ZNF43: variants seen among roughly 807,000 people sequenced by gnomAD.
ZNF43 encodes the protein zinc finger protein 39-like 1 (KOX 27).
ZNF43 carries 44 observed loss-of-function variants against 68.4 expected under a neutral mutation model. That is an observed-to-expected ratio of 0.64 (90% CI 0.51 to 0.83). ZNF43 has a LOEUF of 0.83. Among genes scored for constraint, ZNF43 ranks in the 40% least tolerant of loss-of-function variants. The probability of loss-of-function intolerance (pLI) is 0.00; values close to 1 mark genes in which losing one functional copy is unlikely to be tolerated. For missense variants in ZNF43, 896 were observed against 933.2 expected, an observed-to-expected ratio of 0.96 and a Z score of 0.52; for synonymous variants, 308 against 307.8, an observed-to-expected ratio of 1.00 and a Z score of -0.01.
chr19:21,844,896 CAAAAAAA>C (rs869257892), intron 1 of ZNF43, among the ~76,000 whole-genome samples: 42 of 35,780 alleles, frequency 1.2e-3, no homozygotes, highest in Admixed American at 1.1e-3. Context: ...GATTCCGTCT[CAAAAAAA>C]AAAAAAAAAA....
At chr19:21,836,684 G>C (rs933522923), upstream of ZNF43, among the ~76,000 whole-genome samples, 2 of 152,174 alleles carry the variant, frequency 1.3e-5, no homozygotes, top group African/African-American at 4.8e-5. Context: ...ATCTAGGCTT[G>C]AGCAATTTAC....
At chr19:21,849,929 G>C (rs761033761) in intron 1 of ZNF43, 5 of 152,242 alleles carry the variant, frequency 3.3e-5, no homozygotes, top group Non-Finnish European at 7.3e-5. Flanking sequence ...AATAGGGAGA[G>C]AGGAGTCGCA....
At chr19:21,828,737 A>G (rs544939757) in intron 1 of ZNF43, among the ~76,000 whole-genome samples, 7 of 138,144 alleles carry the variant, frequency 5.1e-5, no homozygotes, top group East Asian at 4.2e-4. Flanking sequence ...AAATTTAAGG[A>G]AAAAAAAAAA....
Position 21,816,363 on chromosome 19 carries a change from G to A in ZNF43, c.229+1525C>T, listed in dbSNP as rs190020670. Among the ~76,000 whole-genome samples the A allele has an allele frequency of 1.4e-4, 21 of 152,306 alleles. No individual in the cohort carries two copies. The East Asian group carries it at 3.9e-3, about 28-fold the overall frequency. ...ATAAGTTCCTTTAAAAGAGCTTTGA[G>A]ATCCAGGCAGGCAGTTGTAAAACTC... On this transcript the variant is annotated intron_variant, in intron 3 of 3. Transcript: ENST00000354959.
chr19:21,850,522 T>A (rs1968276253), intron 1 of ZNF43, among the ~76,000 whole-genome samples: 1 of 149,564 alleles, frequency 6.7e-6, no homozygotes, highest in Admixed American at 6.7e-5. Context: ...ATCGCACCAC[T>A]GCACTCCAGC....
Position 21,807,662 on chromosome 19 carries a change from G to A in ZNF43, c.2375C>T (p.Pro792Leu). ...TGTCAAAATCACTGTCACATCTTCAGGTTTGTAGAGTTTCTCTCCAGTATG... is the reference window on the plus strand; with the variant it reads ...TGTCAAAATCACTGTCACATCTTCAAGTTTGTAGAGTTTCTCTCCAGTATG... ...KIHTGEKLYK[P>L]EDVTVILTTP... Residue 792 changes from proline (P) to leucine (L), a missense_variant, in exon 4 of 4, where the codon CCT becomes CTT. Physicochemically the swap from Pro to Leu is moderately conservative, Grantham distance 98. Coordinates refer to ENST00000354959, the MANE Select transcript of ZNF43 (RefSeq NM_003423.4). 6.3e-7 allele frequency: 1 copy of A among 1,594,198 alleles called. No individual in the cohort carries two copies. Among genetic ancestry groups the A allele is most frequent in the Non-Finnish European group, 8.5e-7 (1 of 1,170,352 alleles).
intron 1 of ZNF43, among the ~76,000 whole-genome samples, chr19:21,820,692 T>C (rs2037781456): frequency 6.6e-6 from 1 of 152,208 alleles, no homozygotes; most frequent in East Asian, 1.9e-4. Flanking sequence ...AATTTTAAGA[T>C]GTGCTGATGC....
chr19:21,810,810 G>A (rs1412984678), intron 3 of ZNF43, among the ~76,000 whole-genome samples: 1 of 151,980 alleles, frequency 6.6e-6, no homozygotes, highest in Non-Finnish European at 1.5e-5. Flanking sequence ...ATTAGCCAGG[G>A]ATGGTAGTGC....
chr19:21,838,762 G>C (rs1167075285), upstream of ZNF43: 4 of 152,044 alleles, frequency 2.6e-5, no homozygotes, highest in Non-Finnish European at 5.9e-5. Flanking sequence ...TTTTATAGTG[G>C]ATCTTAATGT....
Position 21,808,047 on chromosome 19 carries a change from T to G in ZNF43, c.1990A>C (p.Thr664Pro), listed in dbSNP as rs1166313991. The G allele has an allele frequency of 6.2e-7, 1 of 1,612,522 alleles. No homozygotes were observed. The highest frequency in any genetic ancestry group is 8.5e-7 in the Non-Finnish European group (1 of 1,179,832). Reference sequence around the variant, plus strand: ...TGAATTATCTTATGTTTAGTAAGGGTTGAGGACCACTTAAAGGCTTTGCCA... The same window carrying G: ...TGAATTATCTTATGTTTAGTAAGGGGTGAGGACCACTTAAAGGCTTTGCCA... Reference protein sequence around the residue: ...ECGKAFKWSSTLTKHKIIHTG... With the variant: ...ECGKAFKWSSPLTKHKIIHTG... Residue 664 changes from threonine to proline, a missense_variant, in exon 4 of 4, where the codon ACC (threonine) becomes CCC (proline). Physicochemically the swap from Thr to Pro is conservative, Grantham distance 38. Coordinates refer to ENST00000354959, the MANE Select transcript of ZNF43 (RefSeq NM_003423.4).
chr19:21,808,450 C>T lies in ZNF43; in HGVS notation c.1587G>A (p.Lys529=), dbSNP rs1431017618. The T allele has an allele frequency of 5.0e-6, 8 of 1,612,526 alleles. No individual in the cohort carries two copies. Among genetic ancestry groups the T allele is most frequent in the Non-Finnish European group, 5.9e-6 (7 of 1,179,760 alleles). ...AGGGTTTCTCTCCAGTATGAGTTAT[C>T]TTATGTTCAGTAAGCTTTGAGGACC... ...FKWSSKLTEH[K]ITHTGEKPYK... Residue 529 remains lysine (K), a synonymous_variant, in exon 4 of 4, where the codon AAG becomes AAA. Transcript: ENST00000354959.
At chr19:21,835,329 TCAGAAA>T in intron 1 of ZNF43, among the ~76,000 whole-genome samples, 1 of 148,054 alleles carries the variant, frequency 6.8e-6, no homozygotes, top group Non-Finnish European at 1.5e-5. Flanking sequence ...TTTGGGAATG[TCAGAAA>T]TAAAGGAAAA....
At position 21,806,018 on chromosome 19, in the gene ZNF43, AAAT is replaced by A. The variant is rs1279850736; in HGVS notation, c.*1586_*1588del. The A allele has an allele frequency of 3.3e-5, 5 of 152,206 alleles. No homozygotes were observed. In the East Asian group the frequency reaches 9.6e-4, roughly 29 times the overall value. The allele number at this position is 152,206 out of a possible 1,614,324, so 9.4% of individuals were successfully genotyped here. On this transcript the variant is annotated 3_prime_UTR_variant, in exon 4 of 4. Coordinates refer to ENST00000354959, the MANE Select transcript of ZNF43 (RefSeq NM_003423.4). ...TAATTACATAAAATTACAATAAGTA[AAAT>A]GACTTACTAATTTAACCAATTTTAA... is the stretch of plus-strand genomic sequence containing the variant.
At chr19:21,814,237 G>C (rs925601325) in intron 3 of ZNF43, among the ~76,000 whole-genome samples, 9 of 151,740 alleles carry the variant, frequency 5.9e-5, no homozygotes, top group Non-Finnish European at 1.3e-4. Context: ...TTAAACACAT[G>C]GTGAAAATAG....
At chr19:21,851,737 G>T (rs1968383634) in intron 1 of ZNF43, among the ~76,000 whole-genome samples, 1 of 152,078 alleles carries the variant, frequency 6.6e-6, no homozygotes, top group South Asian at 2.1e-4. Context: ...GGAATGGGGC[G>T]GGACGCGGGA....
intron 3 of ZNF43, among the ~76,000 whole-genome samples, chr19:21,812,290 C>A (rs1261514724): frequency 6.6e-6 from 1 of 152,112 alleles, no homozygotes; most frequent in Non-Finnish European, 1.5e-5. Flanking sequence ...CCACGCCCGG[C>A]TAATTTTTTA....
intron 1 of ZNF43, among the ~76,000 whole-genome samples, chr19:21,844,921 A>AATATATATATATATATATAT (rs1181354510): frequency 3.5e-4 from 9 of 26,048 alleles, no homozygotes; most frequent in African/African-American, 1.1e-3. Context: ...AAAAAAAAAA[A>AATATATATATATATATATAT]ATATATATAT....
upstream of ZNF43, among the ~76,000 whole-genome samples, chr19:21,837,575 A>G (rs890676993): frequency 6.6e-6 from 1 of 151,464 alleles, no homozygotes; most frequent in African/African-American, 2.4e-5. Flanking sequence ...CAGGTGCATG[A>G]CCCCATGCCC....
At chr19:21,835,947 C>G in intron 1 of ZNF43, 89 bp downstream of exon 1, 1 of 1,603,210 alleles carries the variant, frequency 6.2e-7, no homozygotes, top group Non-Finnish European at 8.5e-7. Flanking sequence ...AGAACTCCGG[C>G]ACGCGCAGAT....
Sources: allele counts gnomAD v4.1 joint callset (sites outside exome capture counted in the v4.1 genomes callset), GRCh38; gene constraint gnomAD v4.1.1; transcripts MANE v1.5; gene names NCBI Gene and HGNC (gene_info 2026-07-23, HGNC 2026-07-21).